Variants in PDE1C observed in about 807,000 individuals in gnomAD.
The protein encoded by PDE1C is dual specificity calcium/calmodulin-dependent 3',5'-cyclic nucleotide phosphodiesterase 1C.
In PDE1C, 62 loss-of-function variants were observed where a neutral mutation model predicts 93.1. The ratio of observed to expected loss-of-function variants is 0.67; its 90% CI spans 0.54 to 0.82. The LOEUF (loss-of-function observed/expected upper bound fraction) is 0.82, where lower values mean the gene tolerates loss of function less well. Among genes scored for constraint, PDE1C ranks in the 40% least tolerant of loss-of-function variants. The pLI, the probability that PDE1C is intolerant of heterozygous loss-of-function variation, is 0.00. For synonymous variants in PDE1C, 325 were observed against 310.1 expected, an observed-to-expected ratio of 1.05 and a Z score of -0.50; for missense variants, 742 against 884.6, an observed-to-expected ratio of 0.84 and a Z score of 2.04.
chr7:32,052,262 C>T (rs118158235), intron 1 of PDE1C: 9,785 of 470,308 alleles, frequency 0.021, 150 homozygotes, highest in Middle Eastern at 0.03. Context: ...TTCCAGCCCA[C>T]GTCTGTTATT....
At chr7:31,699,848 A>G in the PDE1C span, among the ~76,000 whole-genome samples, 1 of 152,086 alleles carries the variant, frequency 6.6e-6, no homozygotes, top group Non-Finnish European at 1.5e-5. Context: ...GTTTGATGTT[A>G]CTATTGTAAT....
intron 2 of PDE1C, among the ~76,000 whole-genome samples, chr7:32,170,488 A>G (rs1459426357): frequency 6.6e-6 from 1 of 152,206 alleles, no homozygotes; most frequent in South Asian, 2.1e-4. Flanking sequence ...AAAGGTGGGC[A>G]TCAAGTGGAA....
intron 1 of PDE1C, among the ~76,000 whole-genome samples, chr7:32,292,175 A>G (rs1159795836): frequency 2.0e-5 from 3 of 152,036 alleles, no homozygotes; most frequent in South Asian, 2.1e-4. Context: ...CCCTTCCTCC[A>G]TAAAAAAATA....
chr7:31,977,962 C>T (rs1315812749), intron 2 of PDE1C, among the ~76,000 whole-genome samples: 1 of 152,116 alleles, frequency 6.6e-6, no homozygotes, highest in East Asian at 1.9e-4. Flanking sequence ...TAAATTCTCC[C>T]TAGAACTCAA....
rs564158309 is a variant in PDE1C, at chr7:32,083,171, T to C, written c.308+86614A>G. Among the ~76,000 whole-genome samples, 4 of 152,264 alleles carry C rather than the reference T, an allele frequency of 2.6e-5. No homozygotes were observed. The East Asian group carries it at 7.7e-4, about 29-fold the overall frequency. ...AGAAGTGCTTAAAGGAGGATGAAGC[T>C]GAAAGCCAAGGCTTGAGAACTACGT... On this transcript the variant is annotated intron_variant, in intron 3 of 18. Coordinates refer to the PDE1C transcript ENST00000396193.
chr7:32,072,800 A>T (rs991951879), upstream of PDE1C, among the ~76,000 whole-genome samples: 1 of 152,222 alleles, frequency 6.6e-6, no homozygotes, highest in Non-Finnish European at 1.5e-5. Context: ...AAACTGAACT[A>T]GAAAAGACCA....
At chr7:31,965,578 C>T (rs572032317) in intron 2 of PDE1C, among the ~76,000 whole-genome samples, 2 of 152,236 alleles carry the variant, frequency 1.3e-5, no homozygotes, top group Non-Finnish European at 2.9e-5. Context: ...GCAAGGCAGG[C>T]CAACATCCAA....
chr7:31,696,835 G>A, the PDE1C span: 1 of 1,027,538 alleles, frequency 9.7e-7, no homozygotes, highest in Non-Finnish European at 1.4e-6. Flanking sequence ...GAAAAGTCTT[G>A]CTTTATTAAA....
At chr7:31,636,316 T>C in the PDE1C span, among the ~76,000 whole-genome samples, 1 of 152,188 alleles carries the variant, frequency 6.6e-6, no homozygotes, top group African/African-American at 2.4e-5. Flanking sequence ...AACATATCAC[T>C]CTGTGCTAGT....
the PDE1C span, among the ~76,000 whole-genome samples, chr7:31,639,572 T>C: frequency 2.0e-5 from 3 of 148,346 alleles, no homozygotes; most frequent in South Asian, 4.3e-4. Context: ...AGTCTCACTC[T>C]GTCTCCCAGG....
chr7:31,697,928 C>A, the PDE1C span, among the ~76,000 whole-genome samples: 62,636 of 151,980 alleles, frequency 0.41, 14,444 homozygotes, highest in East Asian at 0.68. Flanking sequence ...TATGTGGATA[C>A]AATTGATAGA....
At chr7:32,427,717 G>A (rs1376374425) in intron 1 of PDE1C, among the ~76,000 whole-genome samples, 1 of 152,190 alleles carries the variant, frequency 6.6e-6, no homozygotes, top group Non-Finnish European at 1.5e-5. Context: ...TGGACACGAG[G>A]ACGAGAAACG....
At chr7:31,656,603 T>C in the PDE1C span, 1 of 467,008 alleles carries the variant, frequency 2.1e-6, no homozygotes, top group Admixed American at 6.4e-5. Context: ...GAGGATAAAT[T>C]ATCAGTCTCA....
upstream of PDE1C, among the ~76,000 whole-genome samples, chr7:32,300,922 C>A (rs1348378619): frequency 2.6e-5 from 4 of 151,840 alleles, no homozygotes; most frequent in African/African-American, 9.7e-5. Context: ...ACTGTGGCAT[C>A]GACCTCTTGG....
rs539894760 is a variant in PDE1C, at chr7:32,325,184, G to A, written c.310+102638C>T. Among the ~76,000 whole-genome samples, 14 of 152,346 alleles carry A rather than the reference G, an allele frequency of 9.2e-5. No homozygotes were observed. The South Asian group carries it at 1.2e-3, about 14-fold the overall frequency. The stretch of plus-strand genomic sequence containing the variant: ...TGACCACCACTACCACCTCTTGGCT[G>A]TAGGTAACATGAACTACAAGGCAGC... On this transcript the variant is annotated intron_variant, in intron 1 of 1. Coordinates refer to the PDE1C transcript ENST00000672256.
intron 1 of PDE1C, among the ~76,000 whole-genome samples, chr7:32,277,450 T>TAA (rs1258548324): frequency 6.6e-6 from 1 of 152,142 alleles, no homozygotes; most frequent in Non-Finnish European, 1.5e-5. Flanking sequence ...CAAAATGGTA[T>TAA]AAAGCCACAA....
chr7:32,392,816 T>C (rs7778235), intron 1 of PDE1C, among the ~76,000 whole-genome samples: 1 of 152,012 alleles, frequency 6.6e-6, no homozygotes, highest in African/African-American at 2.4e-5. Flanking sequence ...TTTGGGAGGC[T>C]GAGACGGGCA....
intron 9 of PDE1C, among the ~76,000 whole-genome samples, chr7:31,847,257 TA>T (rs1159459373): frequency 1.3e-5 from 2 of 152,152 alleles, no homozygotes; most frequent in South Asian, 2.1e-4. Context: ...ATTAAAATTT[TA>T]AAGATGTAAA....
the PDE1C span, among the ~76,000 whole-genome samples, chr7:31,661,245 T>A: frequency 6.6e-6 from 1 of 152,138 alleles, no homozygotes; most frequent in Non-Finnish European, 1.5e-5. Context: ...TATAAAACAA[T>A]GTCAATTAGA....
Sources: gnomAD v4.1 joint callset for allele counts (sites outside exome capture counted in the v4.1 genomes callset) on GRCh38, gnomAD v4.1.1 for gene constraint, MANE v1.5 for transcripts, NCBI Gene and HGNC (gene_info 2026-07-23, HGNC 2026-07-21) for gene names.